Variants in CD27 observed in about 807,000 individuals in gnomAD.
CD27 encodes the protein CD27 molecule.
Under a neutral mutation model 25.9 loss-of-function variants are expected in CD27, and 16 were observed. The ratio of observed to expected loss-of-function variants is 0.62; its 90% confidence interval spans 0.42 to 0.94. The LOEUF is 0.94. CD27 is among the 40% of genes least tolerant of loss of function. The pLI, the probability that CD27 is intolerant of heterozygous loss-of-function variation, is 0.00. For synonymous variants in CD27, 142 were observed against 124.3 expected (o/e 1.14, Z -0.95); for missense variants, 300 against 333.2 (o/e 0.90, Z 0.78).
intron 2 of CD27, among the ~76,000 whole-genome samples, chr12:6,446,154 C>A (rs1334971970): frequency 6.6e-6 from 1 of 152,148 alleles, no homozygotes; most frequent in African/African-American, 2.4e-5. Context: ...GAAACTACGG[C>A]CAGTATACAC....
intron 2 of CD27, among the ~76,000 whole-genome samples, chr12:6,446,469 G>A (rs557610691): frequency 2.6e-5 from 4 of 152,216 alleles, no homozygotes; most frequent in African/African-American, 4.8e-5. Context: ...GCCTGGTCCC[G>A]TAAAAACAAA....
intron 2 of CD27, chr12:6,447,619 T>TTTTTG (rs11569372): frequency 0.05 from 7,676 of 152,130 alleles, 260 homozygotes; most frequent in Non-Finnish European, 0.073. Context: ...CACCTCATTG[T>TTTTTG]TTTTGTTTTG....
chr12:6,449,143 T>C (rs1949471058), intron 2 of CD27, among the ~76,000 whole-genome samples: 1 of 150,768 alleles, frequency 6.6e-6, no homozygotes, highest in Non-Finnish European at 1.5e-5. Flanking sequence ...CCTACAGGTG[T>C]GCACCACCAC....
At position 6,445,591 on chromosome 12, in the gene CD27, G is replaced by A; in HGVS notation, c.268+36G>A. On this transcript the variant is annotated intron_variant, in intron 2 of 5. Coordinates refer to ENST00000266557, the MANE Select transcript of CD27 (RefSeq NM_001242.5). This position sits in a 1 kb window ranked among gnomAD's most constrained non-coding sequence, Gnocchi z 4.5. Reference sequence around the variant, plus strand: ...CAAGGGTGTGTAGGTGGGGACGATGGACAAGCATCTGGGGGAGCAAGGCTG... The same window carrying A: ...CAAGGGTGTGTAGGTGGGGACGATGAACAAGCATCTGGGGGAGCAAGGCTG... 1 of 1,607,184 alleles carries A rather than the reference G, an allele frequency of 6.2e-7. No individual in the cohort carries two copies. The highest frequency in any genetic ancestry group is 1.1e-5 in the South Asian group (1 of 90,700).
rs1592122844 is a variant in CD27, at chr12:6,450,539, A to G, written c.449-2A>G. 6.2e-7 allele frequency: 1 copy of G among 1,613,108 alleles called. No individual in the cohort carries two copies. The highest frequency in any genetic ancestry group is 8.5e-7 in the Non-Finnish European group (1 of 1,179,730). ...CTACTCATTCTGTCTCTGTTTTTCC[A>G]GAGATGCTGGAGGCCAGGACAGCTG... On this transcript the variant is annotated splice_acceptor_variant, in intron 3 of 5. Coordinates refer to ENST00000266557, the MANE Select transcript of CD27 (RefSeq NM_001242.5). LOFTEE classifies it high-confidence loss of function. This position sits in a 1 kb window ranked among gnomAD's most constrained non-coding sequence, Gnocchi z 4.1.
Position 6,451,169 on chromosome 12 carries a change from G to C in CD27, c.659-99G>C, listed in dbSNP as rs1346468333. On this transcript the variant is annotated intron_variant, in intron 5 of 5. Transcript: ENST00000266557. Reference sequence around the variant, plus strand: ...CTCTCCCCTTAGCTGGCGTGCTCCTGACACCCCTCCCCCAAGCGCACCCGC... The same window carrying C: ...CTCTCCCCTTAGCTGGCGTGCTCCTCACACCCCTCCCCCAAGCGCACCCGC... 8 of 1,536,918 alleles carry C rather than the reference G, an allele frequency of 5.2e-6. No individual in the cohort carries two copies. The African/African-American group carries it at 6.8e-5, about 13-fold the overall frequency.
In CD27 at chr12:6,451,380, C is replaced by G; in HGVS notation, c.771C>G (p.Ala257=). 1.2e-6 allele frequency: 2 copies of G among 1,613,094 alleles called. No homozygotes were observed. Among genetic ancestry groups the G allele is most frequent in the Non-Finnish European group, 1.7e-6 (2 of 1,179,870 alleles). ...AGGATTACCGAAAACCGGAGCCTGC[C>G]TGCTCCCCCTGAGCCAGCACCTGCG... The part of the protein sequence containing the change: ...IQEDYRKPEP[A]CSP Residue 257 remains alanine, a synonymous_variant, in exon 6 of 6, where the codon GCC becomes GCG. Coordinates refer to ENST00000266557, the MANE Select transcript of CD27 (RefSeq NM_001242.5).
Position 6,445,536 on chromosome 12 carries a change from C to T in CD27, c.249C>T (p.Ser83=). Residue 83 remains serine, a synonymous_variant, in exon 2 of 6, where the codon AGC becomes AGT. Coordinates refer to ENST00000266557, the MANE Select transcript of CD27 (RefSeq NM_001242.5). The surrounding 1 kb of genome is among the most constrained non-coding windows in gnomAD (Gnocchi z 4.5). Reference sequence around the variant, plus strand: ...ACCACACCCGGCCCCACTGTGAGAGCTGTCGGCACTGTAACTCTGGTGAGG... The same window carrying T: ...ACCACACCCGGCCCCACTGTGAGAGTTGTCGGCACTGTAACTCTGGTGAGG... ...PDHHTRPHCE[S]CRHCNSGLLV... is the part of the protein sequence containing the mutation. 3 of 1,613,748 alleles carry T rather than the reference C, an allele frequency of 1.9e-6. No individual in the cohort carries two copies. Among genetic ancestry groups the T allele is most frequent in the Non-Finnish European group, 2.5e-6 (3 of 1,180,016 alleles).
At position 6,450,883 on chromosome 12, in the gene CD27, C is replaced by T; in HGVS notation, c.539-12C>T. On this transcript the variant is annotated splice_polypyrimidine_tract_variant and intron_variant, in intron 4 of 5. Transcript: ENST00000266557. The surrounding 1 kb of genome is among the most constrained non-coding windows in gnomAD (Gnocchi z 4.1). ...CCCTCCCCTAACCCCTGTGTGTCCC[C>T]TCCTATTACAGCCCAAAGATCCCTG... The T allele has an allele frequency of 6.2e-7, 1 of 1,614,108 alleles. No individual in the cohort carries two copies. The highest frequency in any genetic ancestry group is 1.1e-5 in the South Asian group (1 of 91,080).
upstream of CD27, chr12:6,444,736 A>G (rs532569324): frequency 5.2e-4 from 98 of 188,696 alleles, no homozygotes; most frequent in Non-Finnish European, 9.4e-4. Context: ...TGTGTCCATC[A>G]CCTTTTTGTC....
In CD27 at chr12:6,450,679, G is replaced by C. The variant is rs760989493; in HGVS notation, c.538+49G>C. ...CCGCTAGAGAGAATGCATACACGAG[G>C]GGCCAGGAGGGAAGCCAGACAGAAA... On this transcript the variant is annotated intron_variant, in intron 4 of 5. Transcript: ENST00000266557. This position sits in a 1 kb window ranked among gnomAD's most constrained non-coding sequence, Gnocchi z 4.1. 1.3e-6 allele frequency: 2 copies of C among 1,541,492 alleles called. No homozygotes were observed. Among genetic ancestry groups the C allele is most frequent in the East Asian group, 2.2e-5 (1 of 44,478 alleles).
At chr12:6,444,543 G>A (rs925134385), upstream of CD27, among the ~76,000 whole-genome samples, 4 of 151,598 alleles carry the variant, frequency 2.6e-5, no homozygotes, top group African/African-American at 9.7e-5. Flanking sequence ...AGAGCTTGTG[G>A]ACCTGTGCTC....
Position 6,450,450 on chromosome 12 carries a change from C to T in CD27, c.449-91C>T. Reference sequence around the variant, plus strand: ...ACCCCTAGATAAGGTCAGCCTGTTTCTGCCTTCCCATCCCATCCAGCACCT... The same window carrying T: ...ACCCCTAGATAAGGTCAGCCTGTTTTTGCCTTCCCATCCCATCCAGCACCT... On this transcript the variant is annotated intron_variant, in intron 3 of 5. Coordinates refer to ENST00000266557, the MANE Select transcript of CD27 (RefSeq NM_001242.5). This position sits in a 1 kb window ranked among gnomAD's most constrained non-coding sequence, Gnocchi z 4.1. 1 of 1,538,142 alleles carries T rather than the reference C, an allele frequency of 6.5e-7. No homozygotes were observed. Among genetic ancestry groups the T allele is most frequent in the East Asian group, 2.3e-5 (1 of 44,360 alleles).
chr12:6,449,204 C>T (rs1001010800), intron 2 of CD27, among the ~76,000 whole-genome samples: 1 of 152,050 alleles, frequency 6.6e-6, no homozygotes, highest in East Asian at 1.9e-4. Flanking sequence ...ACCATGTTGG[C>T]CAGGCTGGTC....
chr12:6,444,664 T>TG (rs57782770), upstream of CD27, among the ~76,000 whole-genome samples: 19,474 of 70,720 alleles, frequency 0.28, 1,866 homozygotes, highest in East Asian at 0.42. Context: ...GGGGGGTGGG[T>TG]GGGGGGGGGT....
Position 6,450,569 on chromosome 12 carries a change from C to A in CD27, c.477C>A (p.His159Gln), listed in dbSNP as rs770178882. Residue 159 changes from histidine to glutamine, a missense_variant, in exon 4 of 6, where the codon CAC becomes CAA. Physicochemically the swap from His to Gln is conservative, Grantham distance 24. Coordinates refer to ENST00000266557, the MANE Select transcript of CD27 (RefSeq NM_001242.5). This position sits in a 1 kb window ranked among gnomAD's most constrained non-coding sequence, Gnocchi z 4.1. Reference protein sequence around the residue: ...SEMLEARTAGHMQTLADFRQL... With the variant: ...SEMLEARTAGQMQTLADFRQL... Reference sequence around the variant, plus strand: ...TGCTGGAGGCCAGGACAGCTGGGCACATGCAGACTCTGGCTGACTTCAGGC... The same window carrying A: ...TGCTGGAGGCCAGGACAGCTGGGCAAATGCAGACTCTGGCTGACTTCAGGC... 1 of 1,613,558 alleles carries A rather than the reference C, an allele frequency of 6.2e-7. No homozygotes were observed. Among genetic ancestry groups the A allele is most frequent in the Admixed American group, 1.7e-5 (1 of 60,030 alleles).
rs2534719 is a variant in CD27 at position 6,445,263 on chromosome 12, G to A, written c.136+32G>A. 6 of 1,612,624 alleles carry A rather than the reference G, an allele frequency of 3.7e-6. No individual in the cohort carries two copies. The highest frequency in any genetic ancestry group is 1.6e-4 in the Middle Eastern group (1 of 6,070). ...GGGGGCCTTGGTAAGGGCCAGGTGA[G>A]TGGCGAAAGAGAGAGGACTGGGGTT... On this transcript the variant is annotated intron_variant, in intron 1 of 5. Transcript: ENST00000266557. The surrounding 1 kb of genome is among the most constrained non-coding windows in gnomAD (Gnocchi z 4.5).
upstream of CD27, among the ~76,000 whole-genome samples, chr12:6,443,940 T>C (rs1949379748): frequency 6.6e-6 from 1 of 152,096 alleles, no homozygotes; most frequent in Non-Finnish European, 1.5e-5. Context: ...TGTGTCCCCA[T>C]GACTCAAAGA....
intron 2 of CD27, chr12:6,448,547 C>G (rs11569380): frequency 4.6e-5 from 7 of 152,224 alleles, no homozygotes; most frequent in Non-Finnish European, 8.8e-5. Context: ...GGGCGGATCA[C>G]GAGGTCAGGA....
Sources: gnomAD v4.1 joint callset for allele counts (sites outside exome capture counted in the v4.1 genomes callset) on GRCh38, gnomAD v4.1.1 for gene constraint, Gnocchi (gnomAD v3.1) non-coding constraint, MANE v1.5 for transcripts, NCBI Gene and HGNC (gene_info 2026-07-23, HGNC 2026-07-21) for gene names.